The following IL15 variants were observed in gnomAD, a reference collection of about 807,000 sequenced individuals.
The protein encoded by IL15 is interleukin-15.
In IL15, 11 loss-of-function variants were observed where a neutral mutation model predicts 19.6. That is an observed-to-expected ratio of 0.56 (90% CI 0.35 to 0.93). The LOEUF (loss-of-function observed/expected upper bound fraction) is 0.93. Among genes scored for constraint, IL15 ranks in the 40% least tolerant of loss-of-function variants. The pLI, the probability that IL15 is intolerant of heterozygous loss-of-function variation, is 0.01. For synonymous variants in IL15, 58 were observed against 59.6 expected (o/e 0.97, Z 0.12); for missense variants, 197 against 186.5 (o/e 1.06, Z -0.33).
At chr4:141,706,337 C>G (rs1034134224) in intron 2 of IL15, among the ~76,000 whole-genome samples, 1 of 151,902 alleles carries the variant, frequency 6.6e-6, no homozygotes, top group Non-Finnish European at 1.5e-5. Flanking sequence ...GATGTTTTCT[C>G]TTTTCTTTAC....
chr4:141,706,702 G>C (rs990803220), intron 2 of IL15, among the ~76,000 whole-genome samples: 4 of 149,672 alleles, frequency 2.7e-5, no homozygotes, highest in Non-Finnish European at 6.0e-5. Context: ...AGTGTTCTTG[G>C]CTGATTTTTT....
At chr4:141,660,381 C>T (rs1727746746) in intron 2 of IL15, among the ~76,000 whole-genome samples, 1 of 152,140 alleles carries the variant, frequency 6.6e-6, no homozygotes, top group Non-Finnish European at 1.5e-5. Context: ...AGCTTACAAG[C>T]TTGGGTGGCC....
At chr4:141,724,005 A>G (rs918631698) in intron 5 of IL15, among the ~76,000 whole-genome samples, 1 of 152,170 alleles carries the variant, frequency 6.6e-6, no homozygotes, top group Non-Finnish European at 1.5e-5. Context: ...TTTAATACAT[A>G]GAGCACTACA....
intron 2 of IL15, among the ~76,000 whole-genome samples, chr4:141,661,246 A>C (rs1432136470): frequency 2.0e-5 from 3 of 152,196 alleles, no homozygotes; most frequent in Non-Finnish European, 2.9e-5. Flanking sequence ...GAGTGATAGC[A>C]GGTGTTGATG....
chr4:141,705,068 T>C (rs1729461178), intron 2 of IL15, among the ~76,000 whole-genome samples: 1 of 151,956 alleles, frequency 6.6e-6, no homozygotes, highest in Non-Finnish European at 1.5e-5. Context: ...TTGTCTGTAT[T>C]TTATTTGTTT....
chr4:141,656,785 C>A (rs764663524), intron 2 of IL15, among the ~76,000 whole-genome samples: 5 of 152,014 alleles, frequency 3.3e-5, no homozygotes, highest in Non-Finnish European at 7.4e-5. Context: ...AAAGAACTTG[C>A]GTGCTTAAAA....
chr4:141,678,291 C>T (rs1419833809), intron 2 of IL15, among the ~76,000 whole-genome samples: 1 of 152,192 alleles, frequency 6.6e-6, no homozygotes, highest in African/African-American at 2.4e-5. Context: ...TCTACCCTTT[C>T]TCCCTTCTGC....
At chr4:141,722,556 G>A (rs934656658) in intron 5 of IL15, among the ~76,000 whole-genome samples, 8 of 152,136 alleles carry the variant, frequency 5.3e-5, no homozygotes, top group African/African-American at 1.9e-4. Flanking sequence ...CTGACTGCAT[G>A]TTAAAATAGA....
chr4:141,678,822 G>C (rs545222321), intron 2 of IL15, among the ~76,000 whole-genome samples: 3 of 152,238 alleles, frequency 2.0e-5, no homozygotes, highest in Admixed American at 6.5e-5. Context: ...GGATGGCCTT[G>C]ATCTCTTGAC....
intron 2 of IL15, among the ~76,000 whole-genome samples, chr4:141,665,616 A>G (rs964713567): frequency 6.6e-6 from 1 of 152,182 alleles, no homozygotes; most frequent in Non-Finnish European, 1.5e-5. Flanking sequence ...TATAGTTTCC[A>G]TCTAGGAATA....
rs762697481 is a variant in IL15, at chr4:141,720,519, A to G, written c.63A>G (p.Leu21=). The G allele has an allele frequency of 5.6e-6, 9 of 1,603,044 alleles. No homozygotes were observed. Among genetic ancestry groups the G allele is most frequent in the Middle Eastern group, 3.3e-4 (2 of 6,032 alleles). ...TCCAGTGCTACTTGTGTTTACTTCTAAACAGTCATTTTCTAACTGAAGCTG... is the reference window on the plus strand; with the variant it reads ...TCCAGTGCTACTTGTGTTTACTTCTGAACAGTCATTTTCTAACTGAAGCTG... ...ISIQCYLCLL[L]NSHFLTEAGI... Residue 21 remains leucine (L), a synonymous_variant, in exon 4 of 8, where the codon CTA becomes CTG. Transcript: ENST00000320650.
intron 2 of IL15, among the ~76,000 whole-genome samples, chr4:141,667,843 T>C (rs529042568): frequency 2.0e-5 from 3 of 152,328 alleles, no homozygotes; most frequent in Admixed American, 6.5e-5. Context: ...GGATTAGACA[T>C]ACATGCATAG....
chr4:141,712,553 CAAT>C (rs1039537485), intron 2 of IL15, among the ~76,000 whole-genome samples: 3 of 150,622 alleles, frequency 2.0e-5, no homozygotes, highest in African/African-American at 7.3e-5. Context: ...TTACCTTAAA[CAAT>C]AAGCTACCTG....
At chr4:141,714,755 C>T (rs1446112317) in intron 2 of IL15, 2 of 152,142 alleles carry the variant, frequency 1.3e-5, no homozygotes, top group Non-Finnish European at 2.9e-5. Context: ...AGTAGTCATT[C>T]CTTTTGATTT....
intron 2 of IL15, among the ~76,000 whole-genome samples, chr4:141,671,551 T>A (rs1302977392): frequency 6.6e-6 from 1 of 152,216 alleles, no homozygotes. Context: ...TTGTTTGGGC[T>A]CATTCGATAT....
At chr4:141,697,839 G>T (rs1729153687) in intron 2 of IL15, among the ~76,000 whole-genome samples, 1 of 151,310 alleles carries the variant, frequency 6.6e-6, no homozygotes. Flanking sequence ...TCTTTCTCTT[G>T]TCTGATTGCT....
chr4:141,686,155 C>T (rs923219609), intron 2 of IL15, among the ~76,000 whole-genome samples: 2 of 151,940 alleles, frequency 1.3e-5, no homozygotes, highest in African/African-American at 4.8e-5. Flanking sequence ...ATTAGCCAGG[C>T]ATGGTGGTGG....
intron 2 of IL15, among the ~76,000 whole-genome samples, chr4:141,701,997 C>T (rs749696891): frequency 3.9e-5 from 6 of 152,140 alleles, no homozygotes; most frequent in South Asian, 2.1e-4. Context: ...TGTCTATAGA[C>T]GCATATACAC....
chr4:141,688,808 T>G (rs1249300107), intron 2 of IL15: 2 of 153,542 alleles, frequency 1.3e-5, no homozygotes, highest in Non-Finnish European at 2.9e-5. Flanking sequence ...AGATCAGTCC[T>G]GTCTTGTTTA....
Sources: allele counts gnomAD v4.1 joint callset (sites outside exome capture counted in the v4.1 genomes callset), GRCh38; gene constraint gnomAD v4.1.1; transcripts MANE v1.5; gene names NCBI Gene and HGNC (gene_info 2026-07-23, HGNC 2026-07-21).